DNAH8: variants seen among roughly 807,000 people sequenced by gnomAD.
The protein encoded by DNAH8 is dynein axonemal heavy chain 8, also known as axonemal beta dynein heavy chain 8.
In DNAH8, 382 loss-of-function variants were observed where a neutral mutation model predicts 562.1. The ratio of observed to expected loss-of-function variants is 0.68; its 90% CI spans 0.63 to 0.74. The LOEUF (loss-of-function observed/expected upper bound fraction) is 0.74. Ranked by LOEUF, DNAH8 falls within the 30% of genes least tolerant of loss-of-function variation. The pLI is 0.00. For missense variants in DNAH8, 5,203 were observed against 5,620.4 expected, an observed-to-expected ratio of 0.93 and a Z score of 2.37; for synonymous variants, 1,881 against 1,919.4, an observed-to-expected ratio of 0.98 and a Z score of 0.52.
intron 1 of DNAH8, 99 bp from the exon 2 acceptor site, chr6:38,722,677 C>T: frequency 9.9e-7 from 1 of 1,011,670 alleles, no homozygotes; most frequent in African/African-American, 1.6e-5. Context: ...CAAGGGAGAA[C>T]TTAATGATTT....
intron 58 of DNAH8, among the ~76,000 whole-genome samples, chr6:38,891,455 G>A (rs955857281): frequency 2.6e-5 from 4 of 152,182 alleles, no homozygotes; most frequent in Non-Finnish European, 5.9e-5. Context: ...TACACATGTG[G>A]GCACGCACTT....
chr6:38,786,687 G>T, intron 17 of DNAH8, 78 bp from the exon 18 acceptor site: 1 of 1,449,086 alleles, frequency 6.9e-7, no homozygotes, highest in Non-Finnish European at 9.4e-7. Flanking sequence ...AATCCAGGGG[G>T]CAAGACAGAA....
chr6:38,717,820 C>T (rs1342115280), intron 1 of DNAH8, among the ~76,000 whole-genome samples: 1 of 151,562 alleles, frequency 6.6e-6, no homozygotes, highest in Non-Finnish European at 1.5e-5. Flanking sequence ...AATTTTTTTG[C>T]AATTCTGTAC....
intron 24 of DNAH8, among the ~76,000 whole-genome samples, chr6:38,809,210 G>A (rs1010990435): frequency 2.0e-4 from 30 of 151,010 alleles, no homozygotes; most frequent in African/African-American, 6.3e-4. Context: ...AATGTCTTTT[G>A]TCAGTTTTGC....
chr6:38,940,287 C>T (rs961643746), intron 79 of DNAH8, among the ~76,000 whole-genome samples: 6 of 151,970 alleles, frequency 3.9e-5, no homozygotes, highest in African/African-American at 1.5e-4. Context: ...AATGGCAAAA[C>T]CGATGCATAC....
At chr6:38,996,925 T>C (rs748647203) in intron 88 of DNAH8, among the ~76,000 whole-genome samples, 2 of 151,996 alleles carry the variant, frequency 1.3e-5, no homozygotes, top group Non-Finnish European at 2.9e-5. Flanking sequence ...TTGCAACCTT[T>C]CACCACACTA....
intron 62 of DNAH8, among the ~76,000 whole-genome samples, chr6:38,901,764 A>C (rs1308435101): frequency 6.6e-6 from 1 of 152,262 alleles, no homozygotes; most frequent in Non-Finnish European, 1.5e-5. Context: ...AAAATTGAAC[A>C]AAATACAATT....
At chr6:38,867,917 G>A (rs1370281731) in intron 47 of DNAH8, 145 bp from the exon 48 acceptor site, 12 of 697,978 alleles carry the variant, frequency 1.7e-5, no homozygotes, top group Admixed American at 5.9e-5. Context: ...AAGGCAGGAA[G>A]TTGAGCTAAT....
Position 38,850,343 on chromosome 6 carries a change from A to G in DNAH8, c.5292A>G (p.Gly1764=). The change falls in exon 38 of 93, where the codon GGA becomes GGG. Residue 1764 remains glycine (G), a synonymous_variant. Coordinates refer to ENST00000327475, the MANE Select transcript of DNAH8 (RefSeq NM_001206927.2). ...CCAATGTGATTAATTGCTGTGTTGG[A>G]GATGAAACCATGGGACAACTTTTAC... ...ENPNVINCCV[G]DETMGQLLPH... is the part of the protein sequence containing the mutation. 1 of 1,613,738 alleles carries G rather than the reference A, an allele frequency of 6.2e-7. No homozygotes were observed. The highest frequency in any genetic ancestry group is 8.5e-7 in the Non-Finnish European group (1 of 1,179,668).
chr6:38,835,756 G>A (rs192224210), intron 32 of DNAH8, among the ~76,000 whole-genome samples: 3 of 152,206 alleles, frequency 2.0e-5, no homozygotes, highest in Admixed American at 6.5e-5. Flanking sequence ...GTGACAGAGT[G>A]GGCAGCGAGC....
At position 38,868,187 on chromosome 6, in the gene DNAH8, T is replaced by C; in HGVS notation, c.6819T>C (p.Leu2273=). ...TGAGAGGACTAAGAGATATGAACCTTTCCAAACTGGTATCTTCTCTGAATT... is the reference window on the plus strand; with the variant it reads ...TGAGAGGACTAAGAGATATGAACCTCTCCAAACTGGTATCTTCTCTGAATT... ...IVMRGLRDMN[L]SKLVDEDEPL... Residue 2273 remains leucine, a synonymous_variant, in exon 48 of 93, where the codon CTT becomes CTC. Coordinates refer to ENST00000327475, the MANE Select transcript of DNAH8 (RefSeq NM_001206927.2). The C allele has an allele frequency of 6.2e-7, 1 of 1,604,060 alleles. No individual in the cohort carries two copies. The highest frequency in any genetic ancestry group is 2.2e-5 in the East Asian group (1 of 44,812).
intron 37 of DNAH8, among the ~76,000 whole-genome samples, chr6:38,849,237 A>G (rs897295405): frequency 6.6e-6 from 1 of 152,158 alleles, no homozygotes; most frequent in Non-Finnish European, 1.5e-5. Context: ...GTCTTCTAAG[A>G]GTTAACCTCA....
chr6:38,920,919 C>T (rs766108404), intron 70 of DNAH8, among the ~76,000 whole-genome samples: 2 of 152,028 alleles, frequency 1.3e-5, no homozygotes, highest in Non-Finnish European at 2.9e-5. Context: ...GAGACAGGGT[C>T]TCACTCTGTC....
chr6:38,922,837 G>T (rs1264393622), intron 71 of DNAH8, among the ~76,000 whole-genome samples: 2 of 152,138 alleles, frequency 1.3e-5, no homozygotes. Flanking sequence ...TTTGGATTCT[G>T]TCTTACAAAA....
chr6:38,807,811 T>C (rs1771428154), intron 24 of DNAH8, 95 bp downstream of exon 24: 1 of 548,998 alleles, frequency 1.8e-6, no homozygotes, highest in Non-Finnish European at 2.8e-6. Context: ...CTATAAAATT[T>C]AAAATATAGC....
At position 38,932,216 on chromosome 6, in the gene DNAH8, A is replaced by ACACACACACACC. The variant is rs375631180; in HGVS notation, c.11457+224_11457+225insACACACACACCC. The stretch of plus-strand genomic sequence containing the variant: ...CACACACACACACACACACACACAC[A>ACACACACACACC]CCCGTCTCTTTCTACTTCTGTCTTT... On this transcript the variant is annotated intron_variant, in intron 76 of 92. Coordinates refer to ENST00000327475, the MANE Select transcript of DNAH8 (RefSeq NM_001206927.2). Among the ~76,000 whole-genome samples the ACACACACACACC allele has an allele frequency of 0.035, 5,072 of 145,472 alleles. 117 individuals carry two copies. The highest frequency in any genetic ancestry group is 0.048 in the African/African-American group (1,778 of 37,256).
At chr6:38,811,896 C>T (rs977447045) in intron 24 of DNAH8, among the ~76,000 whole-genome samples, 2 of 152,082 alleles carry the variant, frequency 1.3e-5, no homozygotes, top group African/African-American at 2.4e-5. Context: ...AGTTACTGGC[C>T]CCTGGAGAGA....
chr6:38,896,014 T>C lies in DNAH8; in HGVS notation c.8748-19T>C. On this transcript the variant is annotated intron_variant, in intron 59 of 92. Transcript: ENST00000327475. ...ATGCTTTCATATTTAACATTCTTAC[T>C]ACTACATTTTCCTTTCAGATTTATA... 6.3e-7 allele frequency: 1 copy of C among 1,599,698 alleles called. No homozygotes were observed. The highest frequency in any genetic ancestry group is 8.5e-7 in the Non-Finnish European group (1 of 1,170,190).
intron 33 of DNAH8, among the ~76,000 whole-genome samples, chr6:38,841,552 T>C (rs1456352245): frequency 6.6e-6 from 1 of 152,250 alleles, no homozygotes; most frequent in African/African-American, 2.4e-5. Context: ...ACTTGAAAAC[T>C]AAAACTGAAT....
Sources: gnomAD v4.1 joint callset for allele counts (sites outside exome capture counted in the v4.1 genomes callset) on GRCh38, gnomAD v4.1.1 for gene constraint, MANE v1.5 for transcripts, NCBI Gene and HGNC (gene_info 2026-07-23, HGNC 2026-07-21) for gene names.